NDUFA10: variants seen among roughly 807,000 people sequenced by gnomAD.
NDUFA10 encodes NADH dehydrogenase [ubiquinone] 1 alpha subcomplex subunit 10, mitochondrial.
In NDUFA10, 40 loss-of-function variants were observed where a neutral mutation model predicts 47.8. The observed-to-expected ratio is 0.84, with a 90% CI of 0.65 to 1.09. NDUFA10 has a LOEUF of 1.09. NDUFA10 is among the 50% of genes least tolerant of loss of function. NDUFA10 has a pLI of 0.00. For missense variants in NDUFA10, 413 were observed against 451.1 expected (o/e 0.92, Z 0.76); for synonymous variants, 183 against 172.2 (o/e 1.06, Z -0.49).
intron 4 of NDUFA10, among the ~76,000 whole-genome samples, chr2:239,947,403 G>A (rs780139793): frequency 5.3e-5 from 8 of 152,324 alleles, no homozygotes; most frequent in Non-Finnish European, 1.0e-4. Flanking sequence ...CCTTCTGCAC[G>A]CCCCGCTGGG....
chr2:239,896,841 G>T (rs911015360), intron 4 of NDUFA10, among the ~76,000 whole-genome samples: 2 of 152,068 alleles, frequency 1.3e-5, no homozygotes, highest in Non-Finnish European at 2.9e-5. Context: ...AAACAGCAGG[G>T]GAATAGTTGG....
At position 240,017,532 on chromosome 2, in the gene NDUFA10, C is replaced by T. The variant is rs77456484; in HGVS notation, c.547+1021G>A. On this transcript the variant is annotated intron_variant, in intron 4 of 9. Transcript: ENST00000252711. ...GTACACTTTATTACAATGAACCATC[C>T]CCATTGGTTCAACAGCCCCCAACCC... Among the ~76,000 whole-genome samples the T allele has an allele frequency of 8.5e-3, 1,288 of 152,240 alleles. 18 individuals are homozygous for T. Among genetic ancestry groups the T allele is most frequent in the African/African-American group, 0.03 (1,229 of 41,514 alleles).
rs565458525 is a variant in NDUFA10 at position 239,918,716 on chromosome 2, A to T, written c.295-23402T>A. 7.2e-5 allele frequency among the ~76,000 whole-genome samples: 11 copies of T among 152,268 alleles called. No individual in the cohort carries two copies. In the South Asian group the frequency reaches 2.3e-3, roughly 32 times the overall value. The stretch of plus-strand genomic sequence containing the variant: ...TGGGTAGGGGTGGAGTTGGTGCCTC[A>T]TCCTCACAGAACAAAGATGGAAATC... On this transcript the variant is annotated intron_variant, in intron 4 of 5. Transcript: ENST00000419408.
At chr2:239,947,933 C>T (rs1012604180) in intron 4 of NDUFA10, among the ~76,000 whole-genome samples, 2 of 152,142 alleles carry the variant, frequency 1.3e-5, no homozygotes, top group African/African-American at 2.4e-5. Context: ...CCTTCTTGAG[C>T]GTGGGCACTG....
chr2:239,986,479 T>C (rs747814739), intron 9 of NDUFA10, among the ~76,000 whole-genome samples: 2 of 152,186 alleles, frequency 1.3e-5, no homozygotes, highest in African/African-American at 4.8e-5. Context: ...AAATGAACCT[T>C]GATGTGTTGC....
intron 4 of NDUFA10, among the ~76,000 whole-genome samples, chr2:239,923,308 TC>T (rs1273538296): frequency 6.6e-6 from 1 of 152,166 alleles, no homozygotes; most frequent in Non-Finnish European, 1.5e-5. Flanking sequence ...AACAAAAGTA[TC>T]TAATATTCTA....
chr2:239,959,682 G>GGA lies in NDUFA10; in HGVS notation c.*1435_*1436insTC. 1.1e-6 allele frequency: 1 copy of GGA among 908,428 alleles called. No individual in the cohort carries two copies. Among genetic ancestry groups the GGA allele is most frequent in the Non-Finnish European group, 1.3e-6 (1 of 762,568 alleles). The allele number at this position is 908,428 out of a possible 1,614,324, so 56.3% of individuals were successfully genotyped here. A position where few individuals can be genotyped will look rare whatever the true frequency, so the allele number is the denominator to read the frequency against. ...AGGACAGACGGAAGGAAGGAAGGAA[G>GGA]AGAAGGAGGGAAGGAAAGAGGCAGG... On this transcript the variant is annotated 3_prime_UTR_variant, in exon 10 of 10. Coordinates refer to ENST00000252711, the MANE Select transcript of NDUFA10 (RefSeq NM_004544.4).
chr2:239,956,738 G>A (rs1003779902), downstream of NDUFA10, among the ~76,000 whole-genome samples: 2 of 152,092 alleles, frequency 1.3e-5, no homozygotes, highest in African/African-American at 2.4e-5. Flanking sequence ...AGACAAACGC[G>A]CTCGTTCTGG....
rs112881764 is a variant in NDUFA10, at chr2:239,935,087, C to G, written c.295-39773G>C. Among the ~76,000 whole-genome samples, 5 of 152,288 alleles carry G rather than the reference C, an allele frequency of 3.3e-5. No homozygotes were observed. The South Asian group carries it at 1.0e-3, about 32-fold the overall frequency. Reference sequence around the variant, plus strand: ...GAGTCCTTCTCTCTCGCCTCTGGTCCGAAATAGCACCTGCCATGTCCTTCC... The same window carrying G: ...GAGTCCTTCTCTCTCGCCTCTGGTCGGAAATAGCACCTGCCATGTCCTTCC... On this transcript the variant is annotated intron_variant, in intron 4 of 5. Transcript: ENST00000419408.
chr2:239,910,214 C>G (rs11677268), intron 4 of NDUFA10, among the ~76,000 whole-genome samples: 33,329 of 152,086 alleles, frequency 0.22, 3,798 homozygotes, highest in East Asian at 0.35. Context: ...CCTGTTACTG[C>G]ATATATACTC....
At chr2:239,977,374 CCT>C (rs990736116) in intron 9 of NDUFA10, among the ~76,000 whole-genome samples, 1 of 152,188 alleles carries the variant, frequency 6.6e-6, no homozygotes, top group Non-Finnish European at 1.5e-5. Context: ...CTAACTCGCC[CCT>C]GACACTGCTC....
At chr2:240,003,622 A>G (rs543766158) in intron 8 of NDUFA10, among the ~76,000 whole-genome samples, 2 of 152,272 alleles carry the variant, frequency 1.3e-5, no homozygotes, top group Non-Finnish European at 2.9e-5. Context: ...AATCAGAATT[A>G]TGATACAACA....
chr2:239,956,216 A>C (rs1415186495), downstream of NDUFA10, among the ~76,000 whole-genome samples: 1 of 152,154 alleles, frequency 6.6e-6, no homozygotes, highest in Non-Finnish European at 1.5e-5. Context: ...CTACACTTGG[A>C]GGTGGGGCCG....
chr2:239,998,634 C>A (rs983649020), intron 8 of NDUFA10, among the ~76,000 whole-genome samples: 2 of 152,182 alleles, frequency 1.3e-5, no homozygotes, highest in African/African-American at 2.4e-5. Context: ...AGAACACCTG[C>A]CTTCTTTCTG....
intron 1 of NDUFA10, among the ~76,000 whole-genome samples, chr2:240,024,310 C>T (rs781768501): frequency 2.0e-5 from 3 of 152,138 alleles, no homozygotes; most frequent in Non-Finnish European, 2.9e-5. Flanking sequence ...TACCAAGCCA[C>T]GAAGACATAA....
At chr2:239,921,175 C>T (rs564240874) in intron 4 of NDUFA10, among the ~76,000 whole-genome samples, 5 of 152,178 alleles carry the variant, frequency 3.3e-5, no homozygotes, top group Admixed American at 2.0e-4. Context: ...GGGCATGAGC[C>T]GTGTAGGTAG....
chr2:239,894,138 C>A (rs1174831629), intron 5 of NDUFA10, among the ~76,000 whole-genome samples: 1 of 148,530 alleles, frequency 6.7e-6, no homozygotes, highest in Non-Finnish European at 1.5e-5. Context: ...GCTCCATCAT[C>A]CCAGCCTCAC....
chr2:239,981,947 T>A (rs1470271234), intron 9 of NDUFA10, among the ~76,000 whole-genome samples: 1 of 150,178 alleles, frequency 6.7e-6, no homozygotes, highest in Non-Finnish European at 1.5e-5. Flanking sequence ...CCTAGCAGGG[T>A]AATGGGCTTC....
intron 8 of NDUFA10, among the ~76,000 whole-genome samples, chr2:239,995,129 C>A (rs1696415341): frequency 6.6e-6 from 1 of 152,106 alleles, no homozygotes; most frequent in Non-Finnish European, 1.5e-5. Context: ...CAAAAATTAG[C>A]CAGGTGTGGT....
Sources: allele counts gnomAD v4.1 joint callset (sites outside exome capture counted in the v4.1 genomes callset), GRCh38; gene constraint gnomAD v4.1.1; transcripts MANE v1.5; gene names NCBI Gene and HGNC (gene_info 2026-07-23, HGNC 2026-07-21).